Variants in FAM83E observed in about 807,000 individuals in gnomAD.
FAM83E encodes scaffolding CK1 anchoring protein E.
A neutral mutation model predicts 34.3 loss-of-function variants in FAM83E; 29 were observed. That is an observed-to-expected ratio of 0.85 (90% CI 0.63 to 1.15). The LOEUF (loss-of-function observed/expected upper bound fraction) is 1.15, where lower values mean the gene tolerates loss of function less well. FAM83E is among the 50% of genes most tolerant of loss of function. The probability of loss-of-function intolerance (pLI) is 0.00; values close to 1 mark genes in which losing one functional copy is unlikely to be tolerated. For synonymous variants in FAM83E, 312 were observed against 311.6 expected, an observed-to-expected ratio of 1.00 and a Z score of -0.01; for missense variants, 697 against 685.0, an observed-to-expected ratio of 1.02 and a Z score of -0.20.
At chr19:48,605,912 T>G (rs1330540433) in intron 5 of FAM83E, among the ~76,000 whole-genome samples, 2 of 152,086 alleles carry the variant, frequency 1.3e-5, no homozygotes, top group Non-Finnish European at 1.5e-5. Context: ...TTCAAATGAC[T>G]GAATTTGAAT....
In FAM83E at chr19:48,601,244, G is replaced by T. The variant is rs1220428889; in HGVS notation, c.1302C>A (p.Pro434=). 4 of 1,603,966 alleles carry T rather than the reference G, an allele frequency of 2.5e-6. No individual in the cohort carries two copies. Among genetic ancestry groups the T allele is most frequent in the South Asian group, 2.2e-5 (2 of 90,060 alleles). ...ACAGATAGCGGAGGCGGTGGGCGGGGGGCAGGGGCAGGGCACCGCCCCACG... is the reference window on the plus strand; with the variant it reads ...ACAGATAGCGGAGGCGGTGGGCGGGTGGCAGGGGCAGGGCACCGCCCCACG... The part of the protein sequence containing the change: ...RPPWGGALPL[P]PAHRLRYLSP... The change falls in exon 7 of 7, where the codon CCC becomes CCA. Residue 434 remains proline, a synonymous_variant. Transcript: ENST00000263266.
chr19:48,601,017 C>G lies in FAM83E; in HGVS notation c.*92G>C. ...CAGACGCCGAGGCCAGAAGCCTTGTCCAAGGCAGGGCATTGAGGCAGAGGG... is the reference window on the plus strand; with the variant it reads ...CAGACGCCGAGGCCAGAAGCCTTGTGCAAGGCAGGGCATTGAGGCAGAGGG... On this transcript the variant is annotated 3_prime_UTR_variant, in exon 7 of 7. Transcript: ENST00000263266. The G allele has an allele frequency of 6.7e-7, 1 of 1,499,668 alleles. No homozygotes were observed. The highest frequency in any genetic ancestry group is 8.9e-7 in the Non-Finnish European group (1 of 1,129,830). 92.9% of individuals were successfully genotyped at this position (1,499,668 alleles called of 1,614,324 possible). A position where few individuals can be genotyped will look rare whatever the true frequency, so the allele number is the denominator to read the frequency against.
intron 4 of FAM83E, 133 bp downstream of exon 4, chr19:48,610,547 G>A (rs1321770236): frequency 2.7e-6 from 3 of 1,100,430 alleles, no homozygotes; most frequent in Non-Finnish European, 2.5e-6. Context: ...CCAGTGCTGT[G>A]GGCATCAGAT....
chr19:48,601,143 C>T lies in FAM83E; in HGVS notation c.1403G>A (p.Trp468Ter), dbSNP rs1568417039. The T allele has an allele frequency of 1.9e-6, 3 of 1,612,926 alleles. No individual in the cohort carries two copies. Among genetic ancestry groups the T allele is most frequent in the East Asian group, 2.2e-5 (1 of 44,866 alleles). ...CCCCCCAAGTCCTGCCCGGGGGGCC[C>T]AGTCTGACGGCCTGACGCCTCTGGG... ...QEPRGVRPSD[W>*]APRAGLGGQP is the part of the protein sequence containing the mutation. Residue 468 changes from tryptophan to a stop codon, truncating the protein, a stop_gained, in exon 7 of 7, where the codon TGG becomes TAG. Transcript: ENST00000263266. LOFTEE classifies it high-confidence loss of function.
In FAM83E at chr19:48,613,966, G is replaced by A. The variant is rs1451595334; in HGVS notation, c.-594C>T. 8.1e-6 allele frequency: 8 copies of A among 985,326 alleles called. No individual in the cohort carries two copies. The highest frequency in any genetic ancestry group is 4.8e-6 in the Non-Finnish European group (4 of 829,918). 61.0% of individuals were successfully genotyped at this position (985,326 alleles called of 1,614,324 possible). A position where few individuals can be genotyped will look rare whatever the true frequency, so the allele number is the denominator to read the frequency against. ...CCTCTCCTTCCACTGTCTGGCAAAC[G>A]CCAATGGCTTCCGACTGACAGTCAC... is the stretch of plus-strand genomic sequence containing the variant. On this transcript the variant is annotated 5_prime_UTR_variant, in exon 3 of 7. Coordinates refer to ENST00000263266, the MANE Select transcript of FAM83E (RefSeq NM_017708.4).
rs890916481 is a variant in FAM83E, at chr19:48,614,418, A to T, written c.-1046T>A. The T allele has an allele frequency of 1.1e-5, 11 of 985,344 alleles. No individual in the cohort carries two copies. The highest frequency in any genetic ancestry group is 1.7e-5 in the African/African-American group (1 of 57,146). The allele number at this position is 985,344 out of a possible 1,614,324, so 61.0% of individuals were successfully genotyped here. The stretch of plus-strand genomic sequence containing the variant: ...CTGCCCCCAGCCTGGTTTCTGCCTA[A>T]ATGCTATCTCCTGCCAGCTACCCGG... On this transcript the variant is annotated 5_prime_UTR_variant, in exon 3 of 7. Coordinates refer to ENST00000263266, the MANE Select transcript of FAM83E (RefSeq NM_017708.4).
Position 48,600,971 on chromosome 19 carries a change from A to G in FAM83E, c.*138T>C. 1.4e-6 allele frequency: 2 copies of G among 1,461,710 alleles called. No individual in the cohort carries two copies. Among genetic ancestry groups the G allele is most frequent in the Non-Finnish European group, 1.8e-6 (2 of 1,114,062 alleles). The allele number at this position is 1,461,710 out of a possible 1,614,324, so 90.5% of individuals were successfully genotyped here. ...CCCGGCCCAAGTTGCAGAACAAGTG[A>G]CAAACATCCCTTCTGCTTGACAGAC... On this transcript the variant is annotated 3_prime_UTR_variant, in exon 7 of 7. Transcript: ENST00000263266.
rs1973808286 is a variant in FAM83E, at chr19:48,601,253, C to A, written c.1293G>T (p.Leu431=). The change falls in exon 7 of 7, where the codon CTG becomes CTT. Residue 431 remains leucine, a synonymous_variant. Coordinates refer to ENST00000263266, the MANE Select transcript of FAM83E (RefSeq NM_017708.4). ...VDSRPPWGGA[L]PLPPAHRLRY... ...GGAGGCGGTGGGCGGGGGGCAGGGG[C>A]AGGGCACCGCCCCACGGAGGTCGGG... 1 of 1,602,034 alleles carries A rather than the reference C, an allele frequency of 6.2e-7. No individual in the cohort carries two copies. The highest frequency in any genetic ancestry group is 2.3e-5 in the East Asian group (1 of 44,346).
Position 48,614,829 on chromosome 19 carries a change from C to G in FAM83E, c.-1377G>C. 1 of 980,586 alleles carries G rather than the reference C, an allele frequency of 1.0e-6. No homozygotes were observed. The highest frequency in any genetic ancestry group is 1.2e-6 in the Non-Finnish European group (1 of 825,464). 60.7% of individuals were successfully genotyped at this position (980,586 alleles called of 1,614,324 possible). A position where few individuals can be genotyped will look rare whatever the true frequency, so the allele number is the denominator to read the frequency against. ...CTTCCCGGCTTCTGGCCTCACTCAT[C>G]AGGCCTCGACCTGGAATCCAGGGAG... is the stretch of plus-strand genomic sequence containing the variant. On this transcript the variant is annotated 5_prime_UTR_variant, in exon 2 of 7. Coordinates refer to ENST00000263266, the MANE Select transcript of FAM83E (RefSeq NM_017708.4).
chr19:48,606,818 T>C (rs961677000), intron 5 of FAM83E: 6 of 842,380 alleles, frequency 7.1e-6, no homozygotes, highest in Middle Eastern at 3.6e-4. Context: ...ACGCAGGGCG[T>C]TGGGAACAGA....
chr19:48,601,637 C>T (rs1044804092), intron 6 of FAM83E, among the ~76,000 whole-genome samples: 1 of 151,936 alleles, frequency 6.6e-6, no homozygotes, highest in South Asian at 2.1e-4. Flanking sequence ...TGGTGGTGGG[C>T]GCCTGTAATC....
At chr19:48,602,704 AATATATATATATATATATATATATAT>A (rs71294394) in intron 6 of FAM83E, among the ~76,000 whole-genome samples, 4 of 27,490 alleles carry the variant, frequency 1.5e-4, no homozygotes, top group Middle Eastern at 0.014. Flanking sequence ...AAAAAAAAAA[AATATATATATATATATATATATATAT>A]ATATATATAT....
rs1039013054 is a variant in FAM83E, at chr19:48,614,511, C to G, written c.-1139G>C. The G allele has an allele frequency of 2.0e-6, 2 of 985,650 alleles. No individual in the cohort carries two copies. Among genetic ancestry groups the G allele is most frequent in the Non-Finnish European group, 2.4e-6 (2 of 830,110 alleles). 61.1% of individuals were successfully genotyped at this position (985,650 alleles called of 1,614,324 possible). On this transcript the variant is annotated 5_prime_UTR_variant, in exon 3 of 7. Coordinates refer to ENST00000263266, the MANE Select transcript of FAM83E (RefSeq NM_017708.4). ...CTCCCTCCCAAGCCTCAGTTATCCC[C>G]TTGAGGCTCCTGACCCAACCTCGGG...
At chr19:48,602,701 AAAAATATAT>A (rs1415864737) in intron 6 of FAM83E, among the ~76,000 whole-genome samples, 2 of 44,224 alleles carry the variant, frequency 4.5e-5, no homozygotes, top group African/African-American at 1.2e-4. Flanking sequence ...AAAAAAAAAA[AAAAATATAT>A]ATATATATAT....
intron 5 of FAM83E, among the ~76,000 whole-genome samples, chr19:48,605,863 T>C (rs1019721853): frequency 6.6e-6 from 1 of 151,948 alleles, no homozygotes; most frequent in East Asian, 2.0e-4. Flanking sequence ...TTTTTTAAAA[T>C]AAAAAATAAA....
Position 48,613,554 on chromosome 19 carries a change from G to C in FAM83E, c.-182C>G. On this transcript the variant is annotated 5_prime_UTR_variant, in exon 3 of 7. Coordinates refer to ENST00000263266, the MANE Select transcript of FAM83E (RefSeq NM_017708.4). ...TCCCTGCAGCAGCCCCTGCCACACT[G>C]TTCTGACAATCACGCTGCCCAAATA... 4 of 1,415,426 alleles carry C rather than the reference G, an allele frequency of 2.8e-6. No individual in the cohort carries two copies. Among genetic ancestry groups the C allele is most frequent in the Non-Finnish European group, 3.7e-6 (4 of 1,089,730 alleles). The allele number at this position is 1,415,426 out of a possible 1,614,324, so 87.7% of individuals were successfully genotyped here.
Position 48,603,934 on chromosome 19 carries a change from T to A in FAM83E, c.759-23A>T, listed in dbSNP as rs746260659. The stretch of plus-strand genomic sequence containing the variant: ...AAGCTGGGGGTCGGGGAGTAGGGGG[T>A]CAGAGTCTCCAACCCTGAGGGCCCA... On this transcript the variant is annotated intron_variant, in intron 5 of 6. Transcript: ENST00000263266. 1.9e-6 allele frequency: 3 copies of A among 1,583,724 alleles called. No individual in the cohort carries two copies. In the South Asian group the frequency reaches 3.4e-5, roughly 18 times the overall value.
At chr19:48,601,923 C>T (rs1973822997) in intron 6 of FAM83E, among the ~76,000 whole-genome samples, 1 of 151,240 alleles carries the variant, frequency 6.6e-6, no homozygotes, top group African/African-American at 2.4e-5. Flanking sequence ...GGGAGGATTG[C>T]TTGAGCTCAG....
intron 3 of FAM83E, among the ~76,000 whole-genome samples, chr19:48,611,080 C>T (rs1332221152): frequency 6.6e-6 from 1 of 152,112 alleles, no homozygotes; most frequent in Non-Finnish European, 1.5e-5. Context: ...AGCCCCTCCT[C>T]GAGATTCCCG....
Sources: gnomAD v4.1 joint callset for allele counts (sites outside exome capture counted in the v4.1 genomes callset) on GRCh38, gnomAD v4.1.1 for gene constraint, MANE v1.5 for transcripts, NCBI Gene and HGNC (gene_info 2026-07-23, HGNC 2026-07-21) for gene names.